XPO4: variants seen among roughly 807,000 people sequenced by gnomAD.
The protein encoded by XPO4 is exportin 4, also known as exportin-4.
A neutral mutation model predicts 143.0 loss-of-function variants in XPO4; 39 were observed. That is an observed-to-expected ratio of 0.27 (90% confidence interval 0.21 to 0.36). XPO4 has a LOEUF of 0.36. Among genes scored for constraint, XPO4 ranks in the 10% least tolerant of loss-of-function variants. The pLI is 1.00. For synonymous variants in XPO4, 439 were observed against 474.0 expected (o/e 0.93, Z 0.96); for missense variants, 907 against 1,348.0 (o/e 0.67, Z 5.12).
chr13:20,811,343 A>C (rs9552286), intron 9 of XPO4, among the ~76,000 whole-genome samples: 34,760 of 147,410 alleles, frequency 0.24, 5,661 homozygotes, highest in East Asian at 0.8. Flanking sequence ...GCTGGAGTGC[A>C]GTGGTGTGAT....
intron 1 of XPO4, chr13:20,902,039 A>G (rs191217771): frequency 1.0e-6 from 1 of 973,634 alleles, no homozygotes; most frequent in East Asian, 1.1e-4. Context: ...GCATAGACTC[A>G]GTTCTCCAAA....
At chr13:20,875,032 T>C (rs566677994) in intron 1 of XPO4, among the ~76,000 whole-genome samples, 1 of 152,264 alleles carries the variant, frequency 6.6e-6, no homozygotes, top group East Asian at 1.9e-4. Flanking sequence ...ACCCAGTTTG[T>C]AGTATTCTGT....
At chr13:20,892,357 G>T (rs574072658) in intron 1 of XPO4, among the ~76,000 whole-genome samples, 2 of 152,104 alleles carry the variant, frequency 1.3e-5, no homozygotes, top group African/African-American at 4.8e-5. Context: ...CAAAGTGCTG[G>T]GATTACAGGT....
intron 2 of XPO4, among the ~76,000 whole-genome samples, chr13:20,867,611 C>T (rs1453879056): frequency 6.6e-6 from 1 of 152,214 alleles, no homozygotes; most frequent in Non-Finnish European, 1.5e-5. Flanking sequence ...CATCAGCACT[C>T]TTTCCACTAC....
chr13:20,902,767 T>C, upstream of XPO4: 1 of 1,425,442 alleles, frequency 7.0e-7, no homozygotes, highest in Non-Finnish European at 9.2e-7. Context: ...CGCCATGCGC[T>C]GCATTCTGGG....
At chr13:20,822,900 T>C (rs913270699) in intron 7 of XPO4, among the ~76,000 whole-genome samples, 1 of 152,236 alleles carries the variant, frequency 6.6e-6, no homozygotes, top group Non-Finnish European at 1.5e-5. Context: ...ATGTAAATTA[T>C]ACTTAAATCC....
intron 6 of XPO4, among the ~76,000 whole-genome samples, chr13:20,830,187 G>A (rs2138004847): frequency 6.6e-6 from 1 of 152,190 alleles, no homozygotes; most frequent in Admixed American, 6.5e-5. Flanking sequence ...TCAAGTGTTG[G>A]TAACCAGAAT....
Position 20,783,780 on chromosome 13 carries a change from A to G in XPO4, c.3398T>C (p.Phe1133Ser). ...PTLDRKQKMA[F>S]LKSLEEFMAN... is the part of the protein sequence containing the mutation. Reference sequence around the variant, plus strand: ...CATAAATTCTTCTAAACTCTTTAAGAAGGCCATCTTCTGCTTCCGATCCAG... The same window carrying G: ...CATAAATTCTTCTAAACTCTTTAAGGAGGCCATCTTCTGCTTCCGATCCAG... The change falls in exon 23 of 23, where the codon TTC becomes TCC. Residue 1133 changes from phenylalanine to serine, a missense_variant. Transcript: ENST00000255305. 6.2e-7 allele frequency: 1 copy of G among 1,614,202 alleles called. No homozygotes were observed. The highest frequency in any genetic ancestry group is 8.5e-7 in the Non-Finnish European group (1 of 1,180,036).
At chr13:20,824,271 TATCCGAA>T (rs1395784502) in intron 7 of XPO4, among the ~76,000 whole-genome samples, 1 of 152,224 alleles carries the variant, frequency 6.6e-6, no homozygotes, top group Non-Finnish European at 1.5e-5. Context: ...ATAAGTTCTT[TATCCGAA>T]ATCTGTAATT....
intron 6 of XPO4, among the ~76,000 whole-genome samples, chr13:20,842,621 G>A (rs936438331): frequency 6.6e-6 from 1 of 152,106 alleles, no homozygotes; most frequent in Non-Finnish European, 1.5e-5. Flanking sequence ...AAAGAATAAT[G>A]CTAATCCTGA....
Position 20,850,243 on chromosome 13 carries a change from A to G in XPO4, c.456+5384T>C, listed in dbSNP as rs1250913138. The G allele has an allele frequency of 4.1e-6, 4 of 984,784 alleles. No individual in the cohort carries two copies. The African/African-American group carries it at 7.0e-5, about 17-fold the overall frequency. The allele number at this position is 984,784 out of a possible 1,614,324, so 61.0% of individuals were successfully genotyped here. A position where few individuals can be genotyped will look rare whatever the true frequency, so the allele number is the denominator to read the frequency against. ...CTTCCCGAGATTCTATGAAGAAAGCAGTGAGAGACTACTAGGGAGACGGCA... is the reference window on the plus strand; with the variant it reads ...CTTCCCGAGATTCTATGAAGAAAGCGGTGAGAGACTACTAGGGAGACGGCA... On this transcript the variant is annotated intron_variant, in intron 4 of 22. Coordinates refer to ENST00000255305, the MANE Select transcript of XPO4 (RefSeq NM_022459.5).
chr13:20,856,429 G>C, intron 3 of XPO4: 2 of 838,730 alleles, frequency 2.4e-6, no homozygotes, highest in Non-Finnish European at 2.9e-6. Context: ...TGACCACAAG[G>C]GCACAGAAAC....
Position 20,838,601 on chromosome 13 carries a change from C to T in XPO4, c.727+4294G>A, listed in dbSNP as rs556555556. ...CTCCAGCGTGGGCAACACAGCAAGA[C>T]TCCATCTCAAAAAAAAAAAAAAAAA... On this transcript the variant is annotated intron_variant, in intron 6 of 22. Coordinates refer to ENST00000255305, the MANE Select transcript of XPO4 (RefSeq NM_022459.5). Among the ~76,000 whole-genome samples the T allele has an allele frequency of 2.0e-4, 24 of 121,442 alleles. No homozygotes were observed. In the Middle Eastern group the frequency reaches 0.014, roughly 71 times the overall value. The allele number at this position is 121,442 out of a possible 152,430, so 79.7% of individuals were successfully genotyped here.
chr13:20,850,146 T>A (rs182406179), intron 4 of XPO4: 36 of 985,122 alleles, frequency 3.7e-5, no homozygotes, highest in Admixed American at 6.1e-5. Context: ...ACTCATAGCA[T>A]AAACATTTTC....
intron 4 of XPO4, chr13:20,848,872 A>T (rs1356646252): frequency 4.1e-6 from 4 of 981,512 alleles, no homozygotes; most frequent in East Asian, 2.3e-4. Flanking sequence ...TCAAAGTTAT[A>T]AAAAAAAGTC....
chr13:20,852,864 A>G (rs549636110), intron 4 of XPO4: 1 of 984,516 alleles, frequency 1.0e-6, no homozygotes, highest in East Asian at 1.1e-4. Context: ...TAAATTGTTA[A>G]TATTTATAAA....
chr13:20,834,008 G>A (rs1014978976), intron 6 of XPO4, among the ~76,000 whole-genome samples: 1 of 152,140 alleles, frequency 6.6e-6, no homozygotes, highest in Non-Finnish European at 1.5e-5. Flanking sequence ...TGAGAAGCAA[G>A]TGAATTTTGT....
At chr13:20,872,616 C>T (rs2060310107) in intron 1 of XPO4, among the ~76,000 whole-genome samples, 1 of 152,186 alleles carries the variant, frequency 6.6e-6, no homozygotes, top group Admixed American at 6.5e-5. Flanking sequence ...GGTAATCTCA[C>T]TAATCCTAAC....
chr13:20,793,357 A>G (rs907006441), intron 18 of XPO4, among the ~76,000 whole-genome samples: 7 of 152,022 alleles, frequency 4.6e-5, no homozygotes, highest in Non-Finnish European at 1.0e-4. Context: ...TATAGCATCA[A>G]TTTCTTTTCT....
Sources: gnomAD v4.1 joint callset for allele counts (sites outside exome capture counted in the v4.1 genomes callset) on GRCh38, gnomAD v4.1.1 for gene constraint, MANE v1.5 for transcripts, NCBI Gene and HGNC (gene_info 2026-07-23, HGNC 2026-07-21) for gene names.